The following EPG5 variants were observed in gnomAD, a reference collection of about 807,000 sequenced individuals.
EPG5 encodes ectopic P-granules 5 autophagy tethering factor.
Under a neutral mutation model 302.7 loss-of-function variants are expected in EPG5, and 159 were observed. The observed-to-expected ratio is 0.53, with a 90% CI of 0.46 to 0.60. The LOEUF (loss-of-function observed/expected upper bound fraction) is 0.60. Ranked by LOEUF, EPG5 falls within the 20% of genes least tolerant of loss-of-function variation. The pLI, the probability that EPG5 is intolerant of heterozygous loss-of-function variation, is 0.00. For synonymous variants in EPG5, 1,158 were observed against 1,136.8 expected (o/e 1.02, Z -0.37); for missense variants, 2,896 against 3,092.4 (o/e 0.94, Z 1.51).
At chr18:45,966,745 T>G (rs2051272618) in intron 1 of EPG5, among the ~76,000 whole-genome samples, 1 of 152,222 alleles carries the variant, frequency 6.6e-6, no homozygotes, top group Non-Finnish European at 1.5e-5. Flanking sequence ...TATAAAGTTC[T>G]GCCAAAGGTA....
At chr18:45,878,948 T>G (rs929226244) in intron 33 of EPG5, 65 bp downstream of exon 33, 4 of 1,274,070 alleles carry the variant, frequency 3.1e-6, no homozygotes, top group Non-Finnish European at 4.5e-6. Flanking sequence ...TTAATGTGCC[T>G]ATTTAAATCT....
In EPG5 at chr18:45,925,592, C is replaced by G. The variant is rs4476262; in HGVS notation, c.2718+146G>C. ...GCTCATTCTGCAAAAGAGAATTAAA[C>G]AGAAAATCCTAAACTCTGACACAGC... On this transcript the variant is annotated intron_variant, in intron 14 of 43. Transcript: ENST00000282041. The G allele has an allele frequency of 0.81, 418,772 of 517,516 alleles. 170,049 individuals are homozygous for G. The highest frequency in any genetic ancestry group is 0.9 in the African/African-American group (45,780 of 50,610). 32.1% of individuals were successfully genotyped at this position (517,516 alleles called of 1,614,324 possible). A position where few individuals can be genotyped will look rare whatever the true frequency, so the allele number is the denominator to read the frequency against.
intron 27 of EPG5, among the ~76,000 whole-genome samples, chr18:45,894,361 G>A (rs2049421868): frequency 6.6e-6 from 1 of 152,158 alleles, no homozygotes; most frequent in South Asian, 2.1e-4. Context: ...TCAGGAGGCT[G>A]AGGCAGGAGA....
chr18:45,813,659 A>T, the EPG5 span, among the ~76,000 whole-genome samples: 4 of 151,956 alleles, frequency 2.6e-5, no homozygotes, highest in Non-Finnish European at 5.9e-5. Flanking sequence ...GCAAACTCTC[A>T]CAAGGACAAA....
At chr18:45,905,481 A>C (rs745334343) in intron 24 of EPG5, among the ~76,000 whole-genome samples, 11 of 152,204 alleles carry the variant, frequency 7.2e-5, no homozygotes, top group Non-Finnish European at 5.9e-5. Flanking sequence ...TTCTACATGC[A>C]GCTGAGTGTT....
rs1278860724 is a variant in EPG5, at chr18:45,915,520, C to T, written c.3684G>A (p.Thr1228=). ...TCAGTGAGTTTCCTACCTGAGTGGG[C>T]GTGGCCAAGCCCTCCACAAAGGAAG... ...ITPSFVEGLA[T]PTQVWFAWTV... The change falls in exon 20 of 44, where the codon ACG becomes ACA. Residue 1228 remains threonine, a synonymous_variant. Coordinates refer to ENST00000282041, the MANE Select transcript of EPG5 (RefSeq NM_020964.3). 4 of 1,612,044 alleles carry T rather than the reference C, an allele frequency of 2.5e-6. No individual in the cohort carries two copies. Among genetic ancestry groups the T allele is most frequent in the South Asian group, 2.2e-5 (2 of 91,018 alleles).
chr18:45,828,847 C>T, the EPG5 span, among the ~76,000 whole-genome samples: 2 of 152,214 alleles, frequency 1.3e-5, no homozygotes, highest in African/African-American at 4.8e-5. Context: ...TAGCAGCGGT[C>T]ACCCAAAGAT....
intron 27 of EPG5, among the ~76,000 whole-genome samples, chr18:45,894,266 C>T (rs974851102): frequency 1.3e-5 from 2 of 152,006 alleles, no homozygotes; most frequent in Non-Finnish European, 2.9e-5. Flanking sequence ...TCAAGACCAG[C>T]CTGGCCAACA....
chr18:45,819,758 G>C, the EPG5 span, among the ~76,000 whole-genome samples: 1 of 152,026 alleles, frequency 6.6e-6, no homozygotes, highest in African/African-American at 2.4e-5. Flanking sequence ...TCTAACTCTT[G>C]AACTCACGTT....
intron 32 of EPG5, among the ~76,000 whole-genome samples, chr18:45,879,431 G>C (rs973469233): frequency 2.6e-5 from 4 of 152,176 alleles, no homozygotes; most frequent in Non-Finnish European, 5.9e-5. Context: ...GCAGTGGCAC[G>C]ATCTTGGCTC....
At chr18:45,840,641 G>T in the EPG5 span, among the ~76,000 whole-genome samples, 1 of 152,226 alleles carries the variant, frequency 6.6e-6, no homozygotes, top group African/African-American at 2.4e-5. Context: ...GAGACCCCTA[G>T]GAAATCACTG....
the EPG5 span, among the ~76,000 whole-genome samples, chr18:45,820,109 A>T: frequency 2.0e-5 from 3 of 152,082 alleles, no homozygotes; most frequent in African/African-American, 7.2e-5. Context: ...CATGTGATGG[A>T]TAGGGTAGAG....
At chr18:45,837,353 G>A in the EPG5 span, among the ~76,000 whole-genome samples, 1 of 152,230 alleles carries the variant, frequency 6.6e-6, no homozygotes, top group Non-Finnish European at 1.5e-5. Flanking sequence ...TCACAAGGTG[G>A]GGTTCCGGCT....
At chr18:45,826,595 C>T in the EPG5 span, among the ~76,000 whole-genome samples, 2 of 152,164 alleles carry the variant, frequency 1.3e-5, no homozygotes, top group South Asian at 2.1e-4. Context: ...TCTCCAGATC[C>T]CAGTCCTTAC....
At chr18:45,843,297 C>T (rs2048340725), downstream of EPG5, 1 of 152,222 alleles carries the variant, frequency 6.6e-6, no homozygotes, top group Non-Finnish European at 1.5e-5. Context: ...CCTATTTACA[C>T]CTCAGGGTGA....
Position 45,952,571 on chromosome 18 carries a change from G to A in EPG5, c.1081C>T (p.Leu361=), listed in dbSNP as rs777877311. The change falls in exon 3 of 44, where the codon CTG becomes TTG. Residue 361 remains leucine (L), a synonymous_variant. Transcript: ENST00000282041. ...TCGAATAGCTTCTTTAGCTCCACCA[G>A]TGCATTTTCATTCATTTCTACTCTT... The part of the protein sequence containing the change: ...YQRVEMNENA[L]VELKKLFDAK... 17 of 1,614,182 alleles carry A rather than the reference G, an allele frequency of 1.1e-5. No homozygotes were observed. The Admixed American group carries it at 1.3e-4, about 13-fold the overall frequency.
intron 24 of EPG5, among the ~76,000 whole-genome samples, chr18:45,906,093 C>A (rs1436470676): frequency 6.6e-6 from 1 of 152,154 alleles, no homozygotes; most frequent in East Asian, 1.9e-4. Flanking sequence ...TTGCCTCATT[C>A]CTGAATTCTA....
chr18:45,870,656 A>T lies in EPG5; in HGVS notation c.6136T>A (p.Phe2046Ile). 1 of 1,613,910 alleles carries T rather than the reference A, an allele frequency of 6.2e-7. No homozygotes were observed. ...GTGCTATGGAAAGCGTACAGAATGA[A>T]CTCTGGCATTTTGGGTGCTGTACAT... ...EACTAPKMPEFILYAFHSTYR... is the reference protein window; with the variant it reads ...EACTAPKMPEIILYAFHSTYR... Residue 2046 changes from phenylalanine to isoleucine, a missense_variant, in exon 36 of 44, where the codon TTC becomes ATC. Physicochemically the swap from Phe to Ile is conservative, Grantham distance 21 (BLOSUM62 0). Transcript: ENST00000282041.
In EPG5 at chr18:45,850,002, C is replaced by G. The variant is rs1215058289; in HGVS notation, c.*2465G>C. 2 of 152,220 alleles carry G rather than the reference C, an allele frequency of 1.3e-5. No homozygotes were observed. The highest frequency in any genetic ancestry group is 4.8e-5 in the African/African-American group (2 of 41,444). 9.4% of individuals were successfully genotyped at this position (152,220 alleles called of 1,614,324 possible). A position where few individuals can be genotyped will look rare whatever the true frequency, so the allele number is the denominator to read the frequency against. On this transcript the variant is annotated 3_prime_UTR_variant, in exon 44 of 44. Coordinates refer to ENST00000282041, the MANE Select transcript of EPG5 (RefSeq NM_020964.3). ...AACATGATTCCGGGATGCAGCCTGC[C>G]TCTGCAACCCACCTGTGCACTGCAG...
Sources: gnomAD v4.1 joint callset for allele counts (sites outside exome capture counted in the v4.1 genomes callset) on GRCh38, gnomAD v4.1.1 for gene constraint, MANE v1.5 for transcripts, NCBI Gene and HGNC (gene_info 2026-07-23, HGNC 2026-07-21) for gene names.